The following NCOA1 variants were observed in gnomAD, a reference collection of about 807,000 sequenced individuals.
NCOA1 encodes the protein Hin-2 protein.
In NCOA1, 35 loss-of-function variants were observed where a neutral mutation model predicts 150.9. The observed-to-expected ratio is 0.23, with a 90% CI of 0.18 to 0.31. The LOEUF is 0.31. Ranked by LOEUF, NCOA1 falls within the 10% of genes least tolerant of loss-of-function variation. The pLI, the probability that NCOA1 is intolerant of heterozygous loss-of-function variation, is 1.00. For missense variants in NCOA1, 1,491 were observed against 1,749.3 expected (o/e 0.85, Z 2.63); for synonymous variants, 590 against 630.0 (o/e 0.94, Z 0.95).
chr2:24,670,670 G>A (rs1247403154), intron 6 of NCOA1, among the ~76,000 whole-genome samples: 1 of 152,138 alleles, frequency 6.6e-6, no homozygotes, highest in Non-Finnish European at 1.5e-5. Context: ...CTCAGACTTA[G>A]GGGTATTGGA....
At chr2:24,728,787 C>T (rs563553022) in intron 16 of NCOA1, among the ~76,000 whole-genome samples, 1 of 152,308 alleles carries the variant, frequency 6.6e-6, no homozygotes, top group Non-Finnish European at 1.5e-5. Context: ...TGTCTTCTGC[C>T]AGTATATTCC....
intron 22 of NCOA1, 109 bp downstream of exon 22, chr2:24,762,885 A>AG (rs1664856417): frequency 1.1e-6 from 1 of 935,948 alleles, no homozygotes. Context: ...CCTGGGTGTG[A>AG]GTCCTGGCTC....
rs964611329 is a variant in NCOA1, at chr2:24,768,481, A to G, written c.*90A>G. The G allele has an allele frequency of 6.9e-6, 5 of 723,560 alleles. No homozygotes were observed. In the East Asian group the frequency reaches 1.2e-4, roughly 17 times the overall value. 44.8% of individuals were successfully genotyped at this position (723,560 alleles called of 1,614,324 possible). A position where few individuals can be genotyped will look rare whatever the true frequency, so the allele number is the denominator to read the frequency against. ...TTTTTCTGAGATTTTTGATATCTCA[A>G]TCTGCAGCCATTCTTCAGGTCGTAG... On this transcript the variant is annotated 3_prime_UTR_variant, in exon 23 of 23. Transcript: ENST00000348332.
At chr2:24,664,265 A>G (rs1671313000) in intron 5 of NCOA1, among the ~76,000 whole-genome samples, 1 of 152,262 alleles carries the variant, frequency 6.6e-6, no homozygotes, top group South Asian at 2.1e-4. Context: ...GACTTAAAAG[A>G]CAAACGTGAT....
chr2:24,601,664 G>A (rs560018511), intron 3 of NCOA1, among the ~76,000 whole-genome samples: 7 of 141,550 alleles, frequency 4.9e-5, no homozygotes, highest in East Asian at 2.1e-4. Context: ...ATGGAGTCTC[G>A]CTCTGTCGCC....
chr2:24,765,945 C>T (rs540799005), intron 22 of NCOA1, among the ~76,000 whole-genome samples: 3 of 145,720 alleles, frequency 2.1e-5, no homozygotes, highest in Admixed American at 7.0e-5. Flanking sequence ...TCGTTGCCCA[C>T]GCTGGAATGC....
rs187473592 is a variant in NCOA1 at position 24,739,177 on chromosome 2, G to T, written c.3202-255G>T. ...GTTTGTTTGTTTTTGAGACAGTCTCGCTCTGTCACCCAGGCTGGAGTGCAG... is the reference window on the plus strand; with the variant it reads ...GTTTGTTTGTTTTTGAGACAGTCTCTCTCTGTCACCCAGGCTGGAGTGCAG... On this transcript the variant is annotated intron_variant, in intron 17 of 22. Transcript: ENST00000348332. Among the ~76,000 whole-genome samples the T allele has an allele frequency of 2.6e-5, 4 of 151,804 alleles. No individual in the cohort carries two copies. In the East Asian group the frequency reaches 7.7e-4, roughly 29 times the overall value.
At chr2:24,577,587 C>G (rs1667043760) in intron 2 of NCOA1, among the ~76,000 whole-genome samples, 2 of 152,108 alleles carry the variant, frequency 1.3e-5, no homozygotes, top group Non-Finnish European at 2.9e-5. Flanking sequence ...AACTGCTTTT[C>G]TTTTTGGTTG....
intron 20 of NCOA1, among the ~76,000 whole-genome samples, chr2:24,753,312 A>G (rs1664340360): frequency 6.6e-6 from 1 of 152,006 alleles, no homozygotes; most frequent in Non-Finnish European, 1.5e-5. Flanking sequence ...CTCCCTAATG[A>G]AATCCAACTA....
At chr2:24,642,005 G>GGTGTGT (rs1199081970) in intron 3 of NCOA1, among the ~76,000 whole-genome samples, 2 of 65,664 alleles carry the variant, frequency 3.0e-5, no homozygotes, top group African/African-American at 9.4e-5. Context: ...GATTACAGAG[G>GGTGTGT]GCGTGTGTGT....
chr2:24,629,968 G>T (rs975251075), intron 3 of NCOA1, among the ~76,000 whole-genome samples: 1 of 150,846 alleles, frequency 6.6e-6, no homozygotes, highest in African/African-American at 2.4e-5. Context: ...CTCAGCCTCC[G>T]GAGTAGCTGG....
chr2:24,711,043 C>T lies in NCOA1; in HGVS notation c.2531C>T (p.Thr844Ile), dbSNP rs779332688. The change falls in exon 14 of 23, where the codon ACC becomes ATC. Residue 844 changes from threonine to isoleucine, a missense_variant. Physicochemically the swap from Thr to Ile is moderately conservative, Grantham distance 89. Transcript: ENST00000348332. The part of the protein sequence containing the change: ...DRMDGAVTSV[T>I]IKSEILPASL... ...ATGGATGGTGCGGTCACCAGTGTAA[C>T]CATCAAATCGGAGATCCTGCCAGCT... The T allele has an allele frequency of 6.2e-7, 1 of 1,614,028 alleles. No individual in the cohort carries two copies. The highest frequency in any genetic ancestry group is 8.5e-7 in the Non-Finnish European group (1 of 1,180,026).
chr2:24,517,178 T>G (rs997213855), intron 1 of NCOA1, among the ~76,000 whole-genome samples: 25 of 151,924 alleles, frequency 1.6e-4, no homozygotes, highest in Middle Eastern at 3.4e-3. Context: ...TTTATTTATT[T>G]ATTGATTTTG....
At chr2:24,751,587 GA>G (rs146081421) in intron 19 of NCOA1, among the ~76,000 whole-genome samples, 9,481 of 137,958 alleles carry the variant, frequency 0.069, 321 homozygotes, top group Non-Finnish European at 0.08. Context: ...CATCTCGGGG[GA>G]AAAAAAAAAA....
At chr2:24,567,940 C>T (rs1244663971) in intron 2 of NCOA1, among the ~76,000 whole-genome samples, 2 of 152,070 alleles carry the variant, frequency 1.3e-5, no homozygotes, top group East Asian at 3.9e-4. Context: ...GACGGAGTTT[C>T]ACCATATTGG....
At position 24,682,086 on chromosome 2, in the gene NCOA1, G is replaced by C. The variant is rs1243757217; in HGVS notation, c.355-865G>C. Among the ~76,000 whole-genome samples, 4 of 152,272 alleles carry C rather than the reference G, an allele frequency of 2.6e-5. No individual in the cohort carries two copies. The South Asian group carries it at 6.2e-4, about 24-fold the overall frequency. On this transcript the variant is annotated intron_variant, in intron 7 of 22. Coordinates refer to ENST00000348332, the MANE Select transcript of NCOA1 (RefSeq NM_003743.5). ...AGATAGGTCTTTTAATTTCGCCGTA[G>C]ATAACCAGCAGACCCTGTATGATCC...
chr2:24,678,974 G>A (rs2148532043), intron 7 of NCOA1, among the ~76,000 whole-genome samples: 1 of 152,300 alleles, frequency 6.6e-6, no homozygotes, highest in East Asian at 1.9e-4. Flanking sequence ...GTACTGAATG[G>A]TATTGCCTAG....
In NCOA1 at chr2:24,769,423, A is replaced by G. The variant is rs1248344500; in HGVS notation, c.*1032A>G. 2 of 189,106 alleles carry G rather than the reference A, an allele frequency of 1.1e-5. No individual in the cohort carries two copies. The highest frequency in any genetic ancestry group is 2.2e-5 in the Non-Finnish European group (2 of 89,762). 11.7% of individuals were successfully genotyped at this position (189,106 alleles called of 1,614,324 possible). A position where few individuals can be genotyped will look rare whatever the true frequency, so the allele number is the denominator to read the frequency against. ...TGGTTAGTAATATTTCATTATTTTA[A>G]TAACTGTGATGTCATGTATGGATTT... On this transcript the variant is annotated 3_prime_UTR_variant, in exon 23 of 23. Transcript: ENST00000348332.
intron 1 of NCOA1, among the ~76,000 whole-genome samples, chr2:24,542,060 G>C (rs1665421883): frequency 6.6e-6 from 1 of 152,158 alleles, no homozygotes; most frequent in African/African-American, 2.4e-5. Context: ...TGAGTTAAAA[G>C]ACTAGTTCAA....
Sources: allele counts gnomAD v4.1 joint callset (sites outside exome capture counted in the v4.1 genomes callset), GRCh38; gene constraint gnomAD v4.1.1; transcripts MANE v1.5; gene names NCBI Gene and HGNC (gene_info 2026-07-23, HGNC 2026-07-21).